Variants in CHODL observed in about 807,000 individuals in gnomAD.
CHODL encodes the protein transmembrane protein MT75.
CHODL carries 29 observed loss-of-function variants against 34.5 expected under a neutral mutation model. That is an observed-to-expected ratio of 0.84 (90% CI 0.63 to 1.15). CHODL has a LOEUF of 1.15. Ranked by LOEUF, CHODL falls within the 50% of genes most tolerant of loss-of-function variation. The probability of loss-of-function intolerance (pLI) is 0.00; values close to 1 mark genes in which losing one functional copy is unlikely to be tolerated. For synonymous variants in CHODL, 125 were observed against 116.1 expected, an observed-to-expected ratio of 1.08 and a Z score of -0.49; for missense variants, 332 against 332.5, an observed-to-expected ratio of 1.00 and a Z score of 0.01.
chr21:18,119,461 A>G (rs913877551), intron 2 of CHODL, among the ~76,000 whole-genome samples: 22 of 152,156 alleles, frequency 1.4e-4, no homozygotes, highest in Admixed American at 5.2e-4. Context: ...TAACCGTGGG[A>G]GAAAGAAACT....
chr21:18,209,364 G>A (rs949042450), intron 2 of CHODL, among the ~76,000 whole-genome samples: 2 of 152,098 alleles, frequency 1.3e-5, no homozygotes, highest in Non-Finnish European at 2.9e-5. Context: ...AAGGTTCAAG[G>A]GCTCTTCAGC....
intron 1 of CHODL, among the ~76,000 whole-genome samples, chr21:17,928,640 A>G (rs1396833451): frequency 6.6e-6 from 1 of 152,208 alleles, no homozygotes; most frequent in Non-Finnish European, 1.5e-5. Context: ...AAAAAAGATG[A>G]ATTCTATAAC....
intron 2 of CHODL, among the ~76,000 whole-genome samples, chr21:18,130,431 T>C (rs1256654940): frequency 6.6e-6 from 1 of 152,224 alleles, no homozygotes; most frequent in Non-Finnish European, 1.5e-5. Flanking sequence ...GTGAAATGGA[T>C]ATTAAAATAG....
At chr21:17,929,838 G>A (rs2063257502) in intron 1 of CHODL, among the ~76,000 whole-genome samples, 1 of 137,664 alleles carries the variant, frequency 7.3e-6, no homozygotes. Context: ...GGAGGGAGTG[G>A]GGAGGCCAAG....
intron 1 of CHODL, among the ~76,000 whole-genome samples, chr21:17,973,155 G>A (rs1254783240): frequency 6.6e-6 from 1 of 152,230 alleles, no homozygotes; most frequent in East Asian, 1.9e-4. Flanking sequence ...GATGGTTAAA[G>A]ACTTAAATGT....
intron 2 of CHODL, among the ~76,000 whole-genome samples, chr21:18,183,190 T>G (rs1955881669): frequency 6.6e-6 from 1 of 152,216 alleles, no homozygotes; most frequent in Non-Finnish European, 1.5e-5. Flanking sequence ...TCAGGTTTTT[T>G]GGGGGGTGGC....
intron 2 of CHODL, among the ~76,000 whole-genome samples, chr21:18,127,308 T>C (rs2065558833): frequency 6.6e-6 from 1 of 152,180 alleles, no homozygotes. Context: ...ATTCATATGG[T>C]ATTTGTGGTG....
At chr21:18,203,893 T>C (rs2146712748) in intron 2 of CHODL, among the ~76,000 whole-genome samples, 1 of 152,250 alleles carries the variant, frequency 6.6e-6, no homozygotes, top group African/African-American at 2.4e-5. Flanking sequence ...TTATGAAATA[T>C]TAATCTGTGG....
At chr21:18,026,872 G>A (rs2064181308) in intron 1 of CHODL, among the ~76,000 whole-genome samples, 1 of 151,928 alleles carries the variant, frequency 6.6e-6, no homozygotes, top group African/African-American at 2.4e-5. Flanking sequence ...ACTTTTTTTT[G>A]ACATATTTCA....
chr21:17,969,864 C>T (rs1176758511), intron 1 of CHODL, among the ~76,000 whole-genome samples: 1 of 152,114 alleles, frequency 6.6e-6, no homozygotes, highest in Non-Finnish European at 1.5e-5. Context: ...TTATTGGGCT[C>T]TTCTCTTTGG....
intron 1 of CHODL, among the ~76,000 whole-genome samples, chr21:17,926,100 G>T (rs1026724385): frequency 6.6e-6 from 1 of 152,148 alleles, no homozygotes; most frequent in South Asian, 2.1e-4. Context: ...CAGCAAAACC[G>T]CACTGCTCAG....
intron 2 of CHODL, among the ~76,000 whole-genome samples, chr21:18,226,937 T>C (rs903824593): frequency 1.3e-5 from 2 of 152,158 alleles, no homozygotes. Context: ...GAAATAGCTG[T>C]CTTAGTCCAT....
chr21:18,071,254 C>T (rs1027022661), intron 2 of CHODL, among the ~76,000 whole-genome samples: 2 of 147,762 alleles, frequency 1.4e-5, no homozygotes, highest in Non-Finnish European at 3.0e-5. Flanking sequence ...TCAAATGATT[C>T]TCCCGCCACA....
intron 2 of CHODL, among the ~76,000 whole-genome samples, chr21:18,122,665 A>C: frequency 6.6e-6 from 1 of 152,202 alleles, no homozygotes; most frequent in Non-Finnish European, 1.5e-5. Flanking sequence ...AGACTTGCCT[A>C]GGAATGAAGG....
At chr21:18,252,791 A>G (rs1004831766) in intron 1 of CHODL, among the ~76,000 whole-genome samples, 7 of 152,072 alleles carry the variant, frequency 4.6e-5, no homozygotes, top group Admixed American at 2.0e-4. Flanking sequence ...GAGTTAATAG[A>G]TCTGTTCCAG....
At chr21:18,201,735 G>A (rs1346211906) in intron 2 of CHODL, among the ~76,000 whole-genome samples, 1 of 151,412 alleles carries the variant, frequency 6.6e-6, no homozygotes, top group African/African-American at 2.4e-5. Context: ...TTTGAGTTAC[G>A]TGTTGTGACT....
chr21:18,226,153 T>C (rs1239641983), intron 2 of CHODL, among the ~76,000 whole-genome samples: 2 of 152,246 alleles, frequency 1.3e-5, no homozygotes, highest in East Asian at 1.9e-4. Flanking sequence ...GCTACCAACT[T>C]TGAGAAAAAA....
intron 2 of CHODL, among the ~76,000 whole-genome samples, chr21:18,054,877 A>G (rs568157765): frequency 1.3e-5 from 2 of 152,138 alleles, no homozygotes; most frequent in African/African-American, 4.8e-5. Context: ...AATACTTGCT[A>G]TGTCCCCGAT....
chr21:17,963,077 AAT>A (rs371607602), intron 1 of CHODL, among the ~76,000 whole-genome samples: 28,145 of 74,796 alleles, frequency 0.38, 2,883 homozygotes, highest in Middle Eastern at 0.44. Context: ...AAAAAAAAAT[AAT>A]AATAATAATA....
Sources: gnomAD v4.1 joint callset for allele counts (sites outside exome capture counted in the v4.1 genomes callset) on GRCh38, gnomAD v4.1.1 for gene constraint, MANE v1.5 for transcripts, NCBI Gene and HGNC (gene_info 2026-07-23, HGNC 2026-07-21) for gene names.